Variants in PNLDC1 observed in about 807,000 individuals in gnomAD.
The protein encoded by PNLDC1 is PARN like ribonuclease domain containing exonuclease 1.
A neutral mutation model predicts 82.0 loss-of-function variants in PNLDC1; 70 were observed. That is an observed-to-expected ratio of 0.85 (90% CI 0.70 to 1.04). PNLDC1 has a LOEUF of 1.04. Among genes scored for constraint, PNLDC1 ranks in the 50% least tolerant of loss-of-function variants. The pLI is 0.00. For missense variants in PNLDC1, 631 were observed against 661.1 expected (o/e 0.95, Z 0.50); for synonymous variants, 280 against 249.3 (o/e 1.12, Z -1.16).
At chr6:159,809,992 T>A (rs1781591046) in intron 9 of PNLDC1, 34 bp from the exon 10 acceptor site, 6 of 1,568,640 alleles carry the variant, frequency 3.8e-6, no homozygotes, top group Non-Finnish European at 3.5e-6. Flanking sequence ...TACATTTTTT[T>A]ATTTTCTCTC....
At position 159,808,769 on chromosome 6, in the gene PNLDC1, C is replaced by T; in HGVS notation, c.592C>T (p.Leu198=). The T allele has an allele frequency of 5.0e-6, 8 of 1,614,040 alleles. No homozygotes were observed. Among genetic ancestry groups the T allele is most frequent in the Non-Finnish European group, 5.9e-6 (7 of 1,179,982 alleles). ...CCAGGCCTTTGAGGTCCAACTGGTG[C>T]TGAGGCAGGCCCTCCCCAACATCTG... The part of the protein sequence containing the change: ...GFQAFEVQLV[L]RQALPNIWTV... Residue 198 remains leucine (L), a synonymous_variant, in exon 8 of 19, where the codon CTG becomes TTG. Coordinates refer to ENST00000392167, the MANE Select transcript of PNLDC1 (RefSeq NM_001271862.2).
In PNLDC1 at chr6:159,803,947, A is replaced by G. The variant is rs1454400655; in HGVS notation, c.249-18A>G. ...TAAATGGTTGTGGCTTTTTCTCTGT[A>G]TGTTTGTTTTATTATAGGTATATAG... On this transcript the variant is annotated intron_variant, in intron 4 of 18. Coordinates refer to ENST00000392167, the MANE Select transcript of PNLDC1 (RefSeq NM_001271862.2). 3.7e-6 allele frequency: 6 copies of G among 1,601,788 alleles called. No homozygotes were observed. The highest frequency in any genetic ancestry group is 1.4e-5 in the African/African-American group (1 of 73,828).
At chr6:159,812,300 G>A (rs917276929) in intron 11 of PNLDC1, among the ~76,000 whole-genome samples, 4 of 152,114 alleles carry the variant, frequency 2.6e-5, no homozygotes, top group African/African-American at 9.7e-5. Context: ...CATTGTATTA[G>A]CTTATATATG....
In PNLDC1 at chr6:159,813,817, G is replaced by A. The variant is rs889355412; in HGVS notation, c.995+161G>A. Among the ~76,000 whole-genome samples, 7 of 152,090 alleles carry A rather than the reference G, an allele frequency of 4.6e-5. No homozygotes were observed. In the East Asian group the frequency reaches 5.8e-4, roughly 13 times the overall value. On this transcript the variant is annotated intron_variant, in intron 12 of 18. Transcript: ENST00000392167. ...TCCTGCTTCATGGCCCCCTTCCTCC[G>A]ATGACCCTCTTGCCTCCGTTTCCAA...
chr6:159,820,397 C>G (rs1476690127), intron 18 of PNLDC1, 57 bp from the exon 19 acceptor site: 5 of 1,545,358 alleles, frequency 3.2e-6, no homozygotes, highest in Middle Eastern at 1.7e-4. Flanking sequence ...AAGCCTGTGT[C>G]GGTGCCTCTC....
At chr6:159,810,218 T>C (rs1781601579) in intron 10 of PNLDC1, 123 bp downstream of exon 10, 2 of 844,020 alleles carry the variant, frequency 2.4e-6, no homozygotes, top group Non-Finnish European at 3.8e-6. Flanking sequence ...TGTCTGCAGG[T>C]TTCTGGAGAG....
At chr6:159,812,624 A>G (rs1583177753) in intron 11 of PNLDC1, among the ~76,000 whole-genome samples, 1 of 151,936 alleles carries the variant, frequency 6.6e-6, no homozygotes, top group South Asian at 2.1e-4. Flanking sequence ...GAGTGGGGCC[A>G]GGTGGTATTT....
At position 159,811,693 on chromosome 6, in the gene PNLDC1, C is replaced by A. The variant is rs1458383872; in HGVS notation, c.854-8C>A. ...TTCACTCTTGACTACCTGGGTTTTT[C>A]CCCTCAGAAAGCTACGATCAATTTA... On this transcript the variant is annotated splice_polypyrimidine_tract_variant and splice_region_variant and intron_variant, in intron 10 of 18. Coordinates refer to ENST00000392167, the MANE Select transcript of PNLDC1 (RefSeq NM_001271862.2). The A allele has an allele frequency of 6.2e-7, 1 of 1,610,372 alleles. No homozygotes were observed. Among genetic ancestry groups the A allele is most frequent in the African/African-American group, 1.3e-5 (1 of 74,912 alleles).
rs780521840 is a variant in PNLDC1 at position 159,817,128 on chromosome 6, C to T, written c.1134C>T (p.His378=). 7 of 1,612,482 alleles carry T rather than the reference C, an allele frequency of 4.3e-6. No individual in the cohort carries two copies. The highest frequency in any genetic ancestry group is 5.9e-6 in the Non-Finnish European group (7 of 1,178,736). ...TCCTAGTTCTTTTGAAAGTGGCACA[C>T]TTGCTTCTACAGAAGATATACCAGT... ...LCGSVLLKVA[H]LLLQKIYHID... The change falls in exon 15 of 19, where the codon CAC becomes CAT. Residue 378 remains histidine (H), a synonymous_variant. Coordinates refer to ENST00000392167, the MANE Select transcript of PNLDC1 (RefSeq NM_001271862.2).
rs760739373 is a variant in PNLDC1 at position 159,804,007 on chromosome 6, G to A, written c.291G>A (p.Thr97=). ...GTAACTTCTATCTCTTCCCTACAAC[G>A]TTTGGGATTTTGGACTCAGAATTCT... ...HSCNFYLFPT[T]FGILDSEFSF... is the part of the protein sequence containing the mutation. Residue 97 remains threonine (T), a synonymous_variant, in exon 5 of 19, where the codon ACG becomes ACA. Transcript: ENST00000392167. 8 of 1,613,188 alleles carry A rather than the reference G, an allele frequency of 5.0e-6. No individual in the cohort carries two copies. Among genetic ancestry groups the A allele is most frequent in the Middle Eastern group, 3.3e-4 (2 of 6,062 alleles).
At chr6:159,805,857 G>A (rs1439635809) in intron 6 of PNLDC1, 126 bp from the exon 7 acceptor site, 3 of 699,014 alleles carry the variant, frequency 4.3e-6, no homozygotes, top group African/African-American at 1.8e-5. Flanking sequence ...TCTTCTTTTG[G>A]TACATTTTCT....
intron 6 of PNLDC1, 138 bp from the exon 7 acceptor site, chr6:159,805,845 C>T (rs530402998): frequency 6.9e-5 from 45 of 656,884 alleles, no homozygotes; most frequent in South Asian, 6.8e-4. Context: ...GAGAAGAAAT[C>T]GTCTTCTTTT....
intron 12 of PNLDC1, among the ~76,000 whole-genome samples, chr6:159,814,416 C>T (rs1157742663): frequency 2.6e-5 from 4 of 152,218 alleles, no homozygotes; most frequent in African/African-American, 4.8e-5. Flanking sequence ...GCCTCATCCA[C>T]CCCCTGGGCT....
Position 159,820,628 on chromosome 6 carries a change from T to C in PNLDC1, c.*111T>C. 1 of 1,019,978 alleles carries C rather than the reference T, an allele frequency of 9.8e-7. No individual in the cohort carries two copies. The highest frequency in any genetic ancestry group is 1.5e-6 in the Non-Finnish European group (1 of 656,448). The allele number at this position is 1,019,978 out of a possible 1,614,324, so 63.2% of individuals were successfully genotyped here. A position where few individuals can be genotyped will look rare whatever the true frequency, so the allele number is the denominator to read the frequency against. ...TTTGCAGATGGATCTGTTTGGTCTT[T>C]TCTAGAAATTCTGTTATGTCCTGAA... On this transcript the variant is annotated 3_prime_UTR_variant, in exon 19 of 19. Transcript: ENST00000392167.
intron 11 of PNLDC1, among the ~76,000 whole-genome samples, chr6:159,813,128 C>T (rs375167452): frequency 6.6e-5 from 10 of 152,274 alleles, no homozygotes; most frequent in South Asian, 2.1e-4. Flanking sequence ...GCAAGGATGC[C>T]GCACAGATGG....
rs560012457 is a variant in PNLDC1 at position 159,801,252 on chromosome 6, T to C, written c.208+66T>C. The C allele has an allele frequency of 1.1e-5, 16 of 1,416,312 alleles. 1 individual carries two copies. In the South Asian group the frequency reaches 1.1e-4, roughly 10 times the overall value. 87.7% of individuals were successfully genotyped at this position (1,416,312 alleles called of 1,614,324 possible). A position where few individuals can be genotyped will look rare whatever the true frequency, so the allele number is the denominator to read the frequency against. On this transcript the variant is annotated intron_variant, in intron 3 of 18. Transcript: ENST00000392167. ...TTTTTATTGTCCTTGGATTTCCTAC[T>C]GTAAAAACAGCTCTGAGATTTTTCA...
intron 12 of PNLDC1, 57 bp from the exon 13 acceptor site, chr6:159,815,912 A>G (rs1191718972): frequency 1.5e-6 from 2 of 1,368,778 alleles, no homozygotes; most frequent in Non-Finnish European, 2.1e-6. Context: ...GAGGGGGAAT[A>G]CAAGAAGGGA....
chr6:159,805,975 A>G lies in PNLDC1; in HGVS notation c.462-8A>G, dbSNP rs1325892246. 1 of 1,612,182 alleles carries G rather than the reference A, an allele frequency of 6.2e-7. No individual in the cohort carries two copies. The highest frequency in any genetic ancestry group is 1.1e-5 in the South Asian group (1 of 91,048). On this transcript the variant is annotated splice_region_variant and splice_polypyrimidine_tract_variant and intron_variant, in intron 6 of 18. Transcript: ENST00000392167. ...CTGACATGTTCACTTTCATGCGCCC[A>G]TTTTCAGCTCTCCGGATAAAGACCA...
chr6:159,819,733 G>T lies in PNLDC1; in HGVS notation c.1532+381G>T, dbSNP rs964563383. On this transcript the variant is annotated intron_variant, in intron 18 of 18. Coordinates refer to ENST00000392167, the MANE Select transcript of PNLDC1 (RefSeq NM_001271862.2). The surrounding 1 kb of genome is among the most constrained non-coding windows in gnomAD (Gnocchi z 4.6). ...CTGCAGTTCAAAGGAGCTGATGGGG[G>T]TCTTCATTAGAGACTTGGAGTGAGC... is the stretch of plus-strand genomic sequence containing the variant. Among the ~76,000 whole-genome samples, 1 of 152,168 alleles carries T rather than the reference G, an allele frequency of 6.6e-6. No homozygotes were observed. Among genetic ancestry groups the T allele is most frequent in the African/African-American group, 2.4e-5 (1 of 41,440 alleles).
Sources: allele counts gnomAD v4.1 joint callset (sites outside exome capture counted in the v4.1 genomes callset), GRCh38; gene constraint gnomAD v4.1.1; non-coding constraint Gnocchi (gnomAD v3.1); transcripts MANE v1.5; gene names NCBI Gene and HGNC (gene_info 2026-07-23, HGNC 2026-07-21).